LOXHD1: variants seen among roughly 807,000 people sequenced by gnomAD.
LOXHD1 encodes the protein lipoxygenase homology domain-containing protein 1.
A neutral mutation model predicts 248.2 loss-of-function variants in LOXHD1; 205 were observed. That is an observed-to-expected ratio of 0.83 (90% confidence interval 0.74 to 0.93). LOXHD1 has a LOEUF of 0.93. Among genes scored for constraint, LOXHD1 ranks in the 40% least tolerant of loss-of-function variants. The pLI is 0.00. For synonymous variants in LOXHD1, 1,113 were observed against 1,162.8 expected (o/e 0.96, Z 0.87); for missense variants, 2,930 against 2,971.6 (o/e 0.99, Z 0.33).
At position 46,507,832 on chromosome 18, in the gene LOXHD1, G is replaced by A. The variant is rs11659968; in HGVS notation, c.5518-120C>T. On this transcript the variant is annotated intron_variant, in intron 35 of 40. Coordinates refer to ENST00000642948, the MANE Select transcript of LOXHD1 (RefSeq NM_001384474.1). ...TGGAGATCCCAGACCTGAGACAAGC[G>A]CTTGCGACTGAGACCCACGGGGTGT... 293 of 1,073,940 alleles carry A rather than the reference G, an allele frequency of 2.7e-4. No homozygotes were observed. The African/African-American group carries it at 3.9e-3, about 14-fold the overall frequency. The allele number at this position is 1,073,940 out of a possible 1,614,324, so 66.5% of individuals were successfully genotyped here.
intron 21 of LOXHD1, among the ~76,000 whole-genome samples, chr18:46,556,982 C>A (rs532897374): frequency 6.7e-6 from 1 of 150,344 alleles, no homozygotes; most frequent in Non-Finnish European, 1.5e-5. Context: ...CTCATACTCA[C>A]CCACTCTCAT....
At chr18:46,580,679 A>G (rs2037944118) in intron 12 of LOXHD1, among the ~76,000 whole-genome samples, 1 of 152,260 alleles carries the variant, frequency 6.6e-6, no homozygotes, top group Non-Finnish European at 1.5e-5. Context: ...TAAATTATGA[A>G]TAAGAAAATG....
At chr18:46,615,375 A>G (rs2038571314) in intron 5 of LOXHD1, among the ~76,000 whole-genome samples, 1 of 152,162 alleles carries the variant, frequency 6.6e-6, no homozygotes, top group African/African-American at 2.4e-5. Context: ...CATAGTTGCT[A>G]TTGCTACTGT....
At chr18:46,533,019 TC>T in intron 28 of LOXHD1, 142 bp downstream of exon 28, 1 of 817,840 alleles carries the variant, frequency 1.2e-6, no homozygotes, top group Non-Finnish European at 1.9e-6. Context: ...TCTGTGAGCC[TC>T]AGTGGCCCTC....
chr18:46,608,023 C>A (rs536344523), intron 6 of LOXHD1, among the ~76,000 whole-genome samples: 1 of 42,890 alleles, frequency 2.3e-5, no homozygotes, highest in African/African-American at 7.5e-5. Flanking sequence ...AAAACAAACA[C>A]GGAAGGAAGG....
Position 46,519,931 on chromosome 18 carries a change from C to T in LOXHD1, c.5271+1166G>A, listed in dbSNP as rs1022911937. On this transcript the variant is annotated intron_variant, in intron 33 of 40. Coordinates refer to ENST00000642948, the MANE Select transcript of LOXHD1 (RefSeq NM_001384474.1). ...CTGTGTTCCTTTGTGCCATGGATAA[C>T]GGGTGTAGGTCTGGATTTTCCTGGA... 7.9e-5 allele frequency among the ~76,000 whole-genome samples: 12 copies of T among 152,142 alleles called. No individual in the cohort carries two copies. The East Asian group carries it at 9.6e-4, about 12-fold the overall frequency.
At chr18:46,490,283 C>T (rs1486617995) in intron 37 of LOXHD1, among the ~76,000 whole-genome samples, 1 of 152,212 alleles carries the variant, frequency 6.6e-6, no homozygotes, top group Non-Finnish European at 1.5e-5. Context: ...CACTTGCAGT[C>T]ACCCAGATCG....
At position 46,522,213 on chromosome 18, in the gene LOXHD1, C is replaced by A; in HGVS notation, c.4973G>T (p.Arg1658Leu). The change falls in exon 32 of 41, where the codon CGT becomes CTT. Residue 1658 changes from arginine (R) to leucine (L), a missense_variant. Coordinates refer to ENST00000642948, the MANE Select transcript of LOXHD1 (RefSeq NM_001384474.1). ...GTAGTCCAACCAGATGCGCTTACTA[C>A]GTTCATCATCCTCCCCGATGAGAAA... Reference protein sequence around the residue: ...FIFLIGEDDERSKRIWLDYPR... With the variant: ...FIFLIGEDDELSKRIWLDYPR... 1 of 1,551,820 alleles carries A rather than the reference C, an allele frequency of 6.4e-7. No homozygotes were observed. The highest frequency in any genetic ancestry group is 8.7e-7 in the Non-Finnish European group (1 of 1,147,032).
At chr18:46,577,350 A>C (rs328169) in intron 14 of LOXHD1, among the ~76,000 whole-genome samples, 119,141 of 152,096 alleles carry the variant, frequency 0.78, 47,183 homozygotes, top group Non-Finnish European at 0.85. Flanking sequence ...TTAAAAAAAA[A>C]CTTTTGATTT....
In LOXHD1 at chr18:46,544,837, T is replaced by C. The variant is rs16978573; in HGVS notation, c.3619+480A>G. The C allele has an allele frequency of 5.3e-3, 2,510 of 471,680 alleles. 60 individuals are homozygous for C. The highest frequency in any genetic ancestry group is 0.045 in the African/African-American group (2,237 of 50,216). The allele number at this position is 471,680 out of a possible 1,614,324, so 29.2% of individuals were successfully genotyped here. ...TTCAATAATGCTTGGCACTAGGCTCTGGACCTGCAGGATTTTGAGCAAATA... is the reference window on the plus strand; with the variant it reads ...TTCAATAATGCTTGGCACTAGGCTCCGGACCTGCAGGATTTTGAGCAAATA... On this transcript the variant is annotated intron_variant, in intron 23 of 40. Transcript: ENST00000642948.
rs74988406 is a variant in LOXHD1, at chr18:46,640,323, G to A, written c.327-523C>T. 6.8e-4 allele frequency among the ~76,000 whole-genome samples: 103 copies of A among 152,294 alleles called. 1 individual carries two copies. In the East Asian group the frequency reaches 0.011, roughly 17 times the overall value. On this transcript the variant is annotated intron_variant, in intron 3 of 40. Transcript: ENST00000642948. The stretch of plus-strand genomic sequence containing the variant: ...ACAGCTTATACCCTGGGGCTCAACC[G>A]CCTCTCCCATTGCTGTGAGATGATT...
At chr18:46,507,516 G>A in intron 36 of LOXHD1, 22 bp downstream of exon 36, 2 of 1,551,460 alleles carry the variant, frequency 1.3e-6, no homozygotes, top group South Asian at 1.2e-5. Context: ...GGAGCGGGAG[G>A]TGTGAGGGAC....
intron 19 of LOXHD1, 149 bp downstream of exon 19, chr18:46,559,934 G>T (rs1278126800): frequency 1.1e-5 from 9 of 818,982 alleles, no homozygotes; most frequent in Non-Finnish European, 1.5e-5. Flanking sequence ...TCACACACAG[G>T]TCAAGAGAGC....
intron 29 of LOXHD1, 66 bp downstream of exon 29, chr18:46,529,111 G>A (rs563011041): frequency 1.2e-5 from 19 of 1,536,168 alleles, no homozygotes; most frequent in South Asian, 2.4e-5. Context: ...ACCAAGAAGA[G>A]CTGGCACCTA....
At position 46,610,791 on chromosome 18, in the gene LOXHD1, A is replaced by G; in HGVS notation, c.744T>C (p.Gly248=). ...VGHNNKGGSA[G]WFLSQIVIED... is the part of the protein sequence containing the mutation. ...CTGAACTCACCTGGGACAGGAACCA[A>G]CCTGCAGAGCCCCCCTTATTGTTGT... The change falls in exon 6 of 41, where the codon GGT becomes GGC. Residue 248 remains glycine, a synonymous_variant. Coordinates refer to ENST00000642948, the MANE Select transcript of LOXHD1 (RefSeq NM_001384474.1). 2 of 1,551,392 alleles carry G rather than the reference A, an allele frequency of 1.3e-6. No homozygotes were observed. Among genetic ancestry groups the G allele is most frequent in the Non-Finnish European group, 1.7e-6 (2 of 1,146,854 alleles).
At chr18:46,558,113 G>T (rs764162111) in intron 20 of LOXHD1, 13 of 970,528 alleles carry the variant, frequency 1.3e-5, no homozygotes, top group African/African-American at 1.8e-5. Context: ...TTTTGAAAAA[G>T]ATTTTAAATC....
At chr18:46,559,134 C>A (rs535901512) in intron 20 of LOXHD1, 4 of 1,354,430 alleles carry the variant, frequency 3.0e-6, no homozygotes, top group Non-Finnish European at 3.9e-6. Context: ...CACCATCTTG[C>A]GGCGAGGACT....
At chr18:46,546,302 C>T (rs2036824323) in intron 22 of LOXHD1, among the ~76,000 whole-genome samples, 1 of 152,156 alleles carries the variant, frequency 6.6e-6, no homozygotes, top group Admixed American at 6.5e-5. Context: ...CTACTCCATT[C>T]CATTCTACTC....
Position 46,477,404 on chromosome 18 carries a change from A to G in LOXHD1, c.*68T>C, listed in dbSNP as rs2032089329. 6.6e-7 allele frequency: 1 copy of G among 1,525,836 alleles called. No individual in the cohort carries two copies. Among genetic ancestry groups the G allele is most frequent in the East Asian group, 2.5e-5 (1 of 40,662 alleles). 94.5% of individuals were successfully genotyped at this position (1,525,836 alleles called of 1,614,324 possible). A position where few individuals can be genotyped will look rare whatever the true frequency, so the allele number is the denominator to read the frequency against. On this transcript the variant is annotated 3_prime_UTR_variant, in exon 41 of 41. Coordinates refer to ENST00000642948, the MANE Select transcript of LOXHD1 (RefSeq NM_001384474.1). ...TGCTAGAGGCTTTGAAGGGCTGCTG[A>G]CCGCCAAGGTGGAGGGCAGAAATGT...
Sources: allele counts gnomAD v4.1 joint callset (sites outside exome capture counted in the v4.1 genomes callset), GRCh38; gene constraint gnomAD v4.1.1; transcripts MANE v1.5; gene names NCBI Gene and HGNC (gene_info 2026-07-23, HGNC 2026-07-21).